NFIC: variants seen among roughly 807,000 people sequenced by gnomAD.
The protein encoded by NFIC is nuclear factor 1 C-type.
A neutral mutation model predicts 54.4 loss-of-function variants in NFIC; 12 were observed. The observed-to-expected ratio is 0.22, with a 90% CI of 0.14 to 0.36. The LOEUF (loss-of-function observed/expected upper bound fraction) is 0.36. Ranked by LOEUF, NFIC falls within the 10% of genes least tolerant of loss-of-function variation. The pLI, the probability that NFIC is intolerant of heterozygous loss-of-function variation, is 1.00. For synonymous variants in NFIC, 322 were observed against 319.2 expected (o/e 1.01, Z -0.09); for missense variants, 575 against 718.2 (o/e 0.80, Z 2.28).
intron 7 of NFIC, among the ~76,000 whole-genome samples, chr19:3,451,354 C>T (rs530694015): frequency 7.6e-4 from 116 of 152,168 alleles, no homozygotes; most frequent in African/African-American, 2.6e-3. Context: ...GGAATTAGGC[C>T]GGGCACAGTG....
At position 3,434,468 on chromosome 19, in the gene NFIC, G is replaced by A. The variant is rs147251070; in HGVS notation, c.833+68G>A. On this transcript the variant is annotated intron_variant, in intron 5 of 10. Transcript: ENST00000443272. ...TTCATCAACCCATCCCCTCTGGCCC[G>A]AGCTGACTCATTCCTCTCCCTGGAA... 27 of 1,497,692 alleles carry A rather than the reference G, an allele frequency of 1.8e-5. No homozygotes were observed. The East Asian group carries it at 4.4e-4, about 24-fold the overall frequency. The allele number at this position is 1,497,692 out of a possible 1,614,324, so 92.8% of individuals were successfully genotyped here.
At chr19:3,367,331 G>A (rs1396180283) in intron 1 of NFIC, among the ~76,000 whole-genome samples, 2 of 152,200 alleles carry the variant, frequency 1.3e-5, no homozygotes, top group Non-Finnish European at 1.5e-5. Flanking sequence ...GCACCGTCCC[G>A]GTATTTTCGC....
rs116253135 is a variant in NFIC at position 3,453,420 on chromosome 19, G to T, written c.1270-343G>T. On this transcript the variant is annotated intron_variant, in intron 8 of 10. Transcript: ENST00000443272. This position sits in a 1 kb window ranked among gnomAD's most constrained non-coding sequence, Gnocchi z 6.7. Reference sequence around the variant, plus strand: ...GATGATGGTGGATGATGGCGTGCTCGCAGTGAATTAGGAAAAACGCGGAGA... The same window carrying T: ...GATGATGGTGGATGATGGCGTGCTCTCAGTGAATTAGGAAAAACGCGGAGA... Among the ~76,000 whole-genome samples the T allele has an allele frequency of 0.01, 1,557 of 152,284 alleles. 16 individuals carry two copies. The highest frequency in any genetic ancestry group is 0.048 in the Middle Eastern group (14 of 294).
At chr19:3,372,688 T>G (rs573245649) in intron 1 of NFIC, among the ~76,000 whole-genome samples, 69 of 138,226 alleles carry the variant, frequency 5.0e-4, no homozygotes, top group African/African-American at 1.8e-3. Flanking sequence ...CGAGACTGTT[T>G]GCTCAAGGGG....
rs553511271 is a variant in NFIC at position 3,456,188 on chromosome 19, G to A, written c.1424-362G>A. ...GCCCTCAATAATTCATGCACCCCGC[G>A]CGGAGGCAGCCCTCAGTGGCAGGAC... On this transcript the variant is annotated intron_variant, in intron 9 of 10. Coordinates refer to ENST00000443272, the MANE Select transcript of NFIC (RefSeq NM_001245002.2). Among the ~76,000 whole-genome samples the A allele has an allele frequency of 2.0e-5, 3 of 152,354 alleles. No individual in the cohort carries two copies. The East Asian group carries it at 5.8e-4, about 29-fold the overall frequency.
Position 3,453,558 on chromosome 19 carries a change from G to A in NFIC, c.1270-205G>A, listed in dbSNP as rs2082501585. Among the ~76,000 whole-genome samples, 1 of 152,152 alleles carries A rather than the reference G, an allele frequency of 6.6e-6. No homozygotes were observed. Among genetic ancestry groups the A allele is most frequent in the Non-Finnish European group, 1.5e-5 (1 of 68,006 alleles). ...TGGCCCCAGTAGTGCCGGGCTTTGA[G>A]TGACACCAGCAAGCGGGTGTCCCCA... On this transcript the variant is annotated intron_variant, in intron 8 of 10. Transcript: ENST00000443272. The surrounding 1 kb of genome is among the most constrained non-coding windows in gnomAD (Gnocchi z 6.7).
At position 3,458,144 on chromosome 19, in the gene NFIC, C is replaced by A. The variant is rs1330600021; in HGVS notation, c.1509+1509C>A. On this transcript the variant is annotated intron_variant, in intron 10 of 10. Coordinates refer to ENST00000443272, the MANE Select transcript of NFIC (RefSeq NM_001245002.2). The surrounding 1 kb of genome is among the most constrained non-coding windows in gnomAD (Gnocchi z 4.1). Reference sequence around the variant, plus strand: ...CACCCCGTAAATATTAAGTACCCTGCCTTGCACCCATAGAGCCCCGGAGAG... The same window carrying A: ...CACCCCGTAAATATTAAGTACCCTGACTTGCACCCATAGAGCCCCGGAGAG... 6.6e-6 allele frequency among the ~76,000 whole-genome samples: 1 copy of A among 152,192 alleles called. No homozygotes were observed. Among genetic ancestry groups the A allele is most frequent in the Non-Finnish European group, 1.5e-5 (1 of 68,018 alleles).
rs1276475946 is a variant in NFIC at position 3,464,578 on chromosome 19, C to T, written c.*1809C>T. The T allele has an allele frequency of 2.1e-6, 2 of 966,606 alleles. No individual in the cohort carries two copies. The highest frequency in any genetic ancestry group is 2.5e-6 in the Non-Finnish European group (2 of 813,714). The allele number at this position is 966,606 out of a possible 1,614,324, so 59.9% of individuals were successfully genotyped here. ...TCCATGCCTAGGGAAAAACTCCCCC[C>T]ACCACTGCCCCCTCCCCCGACCCAG... On this transcript the variant is annotated 3_prime_UTR_variant, in exon 11 of 11. Transcript: ENST00000443272.
At chr19:3,409,222 C>A (rs990509109) in intron 2 of NFIC, among the ~76,000 whole-genome samples, 2 of 152,174 alleles carry the variant, frequency 1.3e-5, no homozygotes, top group African/African-American at 4.8e-5. Flanking sequence ...TTTCACACAT[C>A]CAACTTCATT....
chr19:3,385,232 C>A (rs1419457366), intron 2 of NFIC, among the ~76,000 whole-genome samples: 4 of 147,472 alleles, frequency 2.7e-5, no homozygotes, highest in Non-Finnish European at 6.0e-5. Context: ...CTGCCCACTG[C>A]GGGTGCTCCA....
In NFIC at chr19:3,402,297, G is replaced by A. The variant is rs540321663; in HGVS notation, c.562+20054G>A. 2.0e-5 allele frequency among the ~76,000 whole-genome samples: 3 copies of A among 152,280 alleles called. No homozygotes were observed. In the East Asian group the frequency reaches 5.8e-4, roughly 29 times the overall value. On this transcript the variant is annotated intron_variant, in intron 2 of 10. Transcript: ENST00000443272. ...TGCCTGACCTCAGGTGATCCACCCA[G>A]CCTCAGCCTCCCACAGTGCTGGGAT...
Position 3,453,681 on chromosome 19 carries a change from C to T in NFIC, c.1270-82C>T. On this transcript the variant is annotated intron_variant, in intron 8 of 10. Transcript: ENST00000443272. This position sits in a 1 kb window ranked among gnomAD's most constrained non-coding sequence, Gnocchi z 6.7. ...CCTGCCACCCCGTCCGGGCCGTGCA[C>T]AGAGCCGGGGGCGGCCGGCGCCAGC... 14 of 1,500,614 alleles carry T rather than the reference C, an allele frequency of 9.3e-6. No homozygotes were observed. The highest frequency in any genetic ancestry group is 1.1e-5 in the Non-Finnish European group (12 of 1,130,258). The allele number at this position is 1,500,614 out of a possible 1,614,324, so 93.0% of individuals were successfully genotyped here. A position where few individuals can be genotyped will look rare whatever the true frequency, so the allele number is the denominator to read the frequency against.
chr19:3,378,029 G>A (rs1404802796), intron 1 of NFIC, among the ~76,000 whole-genome samples: 1 of 152,030 alleles, frequency 6.6e-6, no homozygotes, highest in Non-Finnish European at 1.5e-5. Context: ...TGGACCACCT[G>A]AGGTCAGGAG....
rs2082685728 is a variant in NFIC, at chr19:3,464,279, G to C, written c.*1510G>C. On this transcript the variant is annotated 3_prime_UTR_variant, in exon 11 of 11. Coordinates refer to ENST00000443272, the MANE Select transcript of NFIC (RefSeq NM_001245002.2). Reference sequence around the variant, plus strand: ...CCCGCTCGGAACGGGGAGGGTTTTCGGGGGGTTCGGCGTCGCACCTTGGGG... The same window carrying C: ...CCCGCTCGGAACGGGGAGGGTTTTCCGGGGGTTCGGCGTCGCACCTTGGGG... The C allele has an allele frequency of 1.0e-6, 1 of 985,198 alleles. No homozygotes were observed. The highest frequency in any genetic ancestry group is 1.2e-6 in the Non-Finnish European group (1 of 829,898). 61.0% of individuals were successfully genotyped at this position (985,198 alleles called of 1,614,324 possible).
chr19:3,403,524 T>C (rs1218156095), intron 2 of NFIC, among the ~76,000 whole-genome samples: 1 of 152,166 alleles, frequency 6.6e-6, no homozygotes, highest in East Asian at 1.9e-4. Flanking sequence ...AAGACTGGCA[T>C]GGAGTCTATT....
rs2082665698 is a variant in NFIC at position 3,463,129 on chromosome 19, G to A, written c.*360G>A. On this transcript the variant is annotated 3_prime_UTR_variant, in exon 11 of 11. Coordinates refer to ENST00000443272, the MANE Select transcript of NFIC (RefSeq NM_001245002.2). Reference sequence around the variant, plus strand: ...TTCCTAAGTTATTCATCTCCTCTCCGCCTGCTGCTCGGGAAGGACAGACGC... The same window carrying A: ...TTCCTAAGTTATTCATCTCCTCTCCACCTGCTGCTCGGGAAGGACAGACGC... 1.7e-6 allele frequency: 2 copies of A among 1,146,294 alleles called. No homozygotes were observed. The highest frequency in any genetic ancestry group is 2.1e-6 in the Non-Finnish European group (2 of 931,710). 71.0% of individuals were successfully genotyped at this position (1,146,294 alleles called of 1,614,324 possible).
intron 1 of NFIC, among the ~76,000 whole-genome samples, chr19:3,373,626 C>CCCG (rs1415958708): frequency 8.0e-6 from 1 of 124,610 alleles, no homozygotes; most frequent in South Asian, 3.1e-4. Context: ...GACCCCCCCC[C>CCCG]CAAGCTAAAA....
At chr19:3,367,512 C>A (rs1288845052) in intron 1 of NFIC, among the ~76,000 whole-genome samples, 2 of 152,178 alleles carry the variant, frequency 1.3e-5, no homozygotes, top group Non-Finnish European at 2.9e-5. Context: ...GCCTCTCACC[C>A]CTGGCCGCAC....
chr19:3,371,917 TTCCTTCCTTCCTTCCTTCCTTCCC>T lies in NFIC; in HGVS notation c.30+5255_30+5278del, dbSNP rs1347806428. Among the ~76,000 whole-genome samples the T allele has an allele frequency of 6.6e-4, 87 of 132,414 alleles. 2 individuals are homozygous for T. The highest frequency in any genetic ancestry group is 2.4e-3 in the African/African-American group (85 of 35,038). The allele number at this position is 132,414 out of a possible 152,430, so 86.9% of individuals were successfully genotyped here. On this transcript the variant is annotated intron_variant, in intron 1 of 10. Transcript: ENST00000443272. ...CTTCCTTCCTTCCTTCCTTCCTTCC[TTCCTTCCTTCCTTCCTTCCTTCCC>T]TCCCTCCCTCCCTCCTTCCTTCTTT...
Sources: allele counts gnomAD v4.1 joint callset (sites outside exome capture counted in the v4.1 genomes callset), GRCh38; gene constraint gnomAD v4.1.1; non-coding constraint Gnocchi (gnomAD v3.1); transcripts MANE v1.5; gene names NCBI Gene and HGNC (gene_info 2026-07-23, HGNC 2026-07-21).